Variants in ITPR2 observed in about 807,000 individuals in gnomAD.
ITPR2 encodes the protein inositol 1,4,5-trisphosphate-gated calcium channel ITPR2.
In ITPR2, 207 loss-of-function variants were observed where a neutral mutation model predicts 317.1. That is an observed-to-expected ratio of 0.65 (90% CI 0.58 to 0.73). The LOEUF (loss-of-function observed/expected upper bound fraction) is 0.73. Ranked by LOEUF, ITPR2 falls within the 30% of genes least tolerant of loss-of-function variation. The probability of loss-of-function intolerance (pLI) is 0.00; values close to 1 mark genes in which losing one functional copy is unlikely to be tolerated. For synonymous variants in ITPR2, 1,156 were observed against 1,149.1 expected, an observed-to-expected ratio of 1.01 and a Z score of -0.12; for missense variants, 2,613 against 3,284.0, an observed-to-expected ratio of 0.80 and a Z score of 4.99.
intron 37 of ITPR2, among the ~76,000 whole-genome samples, chr12:26,524,170 T>C (rs1246114089): frequency 7.1e-6 from 1 of 140,632 alleles, no homozygotes; most frequent in Non-Finnish European, 1.6e-5. Flanking sequence ...AAATACTCCA[T>C]TTTTCAAACG....
intron 10 of ITPR2, among the ~76,000 whole-genome samples, chr12:26,695,143 G>A (rs914966085): frequency 2.0e-5 from 3 of 152,096 alleles, no homozygotes; most frequent in Admixed American, 6.5e-5. Flanking sequence ...ATTACAGACC[G>A]TATCTAGATT....
chr12:26,637,105 A>G (rs1946880735), intron 21 of ITPR2, among the ~76,000 whole-genome samples: 1 of 152,216 alleles, frequency 6.6e-6, no homozygotes, highest in Admixed American at 6.5e-5. Flanking sequence ...TTTATTACAT[A>G]TCATGTGCCA....
intron 14 of ITPR2, 33 bp from the exon 15 acceptor site, chr12:26,663,879 T>C (rs1947560038): frequency 6.5e-7 from 1 of 1,543,984 alleles, no homozygotes; most frequent in Non-Finnish European, 8.7e-7. Flanking sequence ...CCTATTCTGA[T>C]GAATAAAATG....
At chr12:26,339,997 G>A (rs757732652) in intron 56 of ITPR2, among the ~76,000 whole-genome samples, 170 bp downstream of exon 56, 25 of 152,136 alleles carry the variant, frequency 1.6e-4, no homozygotes, top group South Asian at 2.1e-4. Context: ...GGGATAAGTA[G>A]AAGTCCCCGT....
At chr12:26,497,708 ATT>A (rs34121849) in intron 37 of ITPR2, among the ~76,000 whole-genome samples, 43,734 of 126,456 alleles carry the variant, frequency 0.35, 7,690 homozygotes, top group Non-Finnish European at 0.47. Flanking sequence ...AGTGCCAAGA[ATT>A]TTTTTTTTTT....
intron 26 of ITPR2, among the ~76,000 whole-genome samples, chr12:26,618,224 G>A (rs1591967384): frequency 6.6e-6 from 1 of 152,028 alleles, no homozygotes; most frequent in African/African-American, 2.4e-5. Context: ...ATTTTACCTT[G>A]TACTTGAAAA....
chr12:26,452,949 G>A (rs1349828063), intron 45 of ITPR2, among the ~76,000 whole-genome samples: 1 of 151,972 alleles, frequency 6.6e-6, no homozygotes, highest in Non-Finnish European at 1.5e-5. Flanking sequence ...TTAATCCCAG[G>A]AGGTTTGTAT....
At chr12:26,375,678 T>C (rs1199094391) in intron 55 of ITPR2, among the ~76,000 whole-genome samples, 1 of 152,238 alleles carries the variant, frequency 6.6e-6, no homozygotes, top group Non-Finnish European at 1.5e-5. Flanking sequence ...TCTCAGTCTA[T>C]ATAGTTTCCT....
chr12:26,804,606 C>T (rs1399862919), intron 1 of ITPR2, among the ~76,000 whole-genome samples: 10 of 152,050 alleles, frequency 6.6e-5, no homozygotes, highest in African/African-American at 1.5e-4. Flanking sequence ...TCATTTCCCT[C>T]GCTTATAGGC....
chr12:26,568,614 A>C (rs1459591645), intron 34 of ITPR2, among the ~76,000 whole-genome samples: 3 of 152,218 alleles, frequency 2.0e-5, no homozygotes, highest in Non-Finnish European at 2.9e-5. Flanking sequence ...CTCTGAGAAT[A>C]CAAACAATGC....
intron 45 of ITPR2, among the ~76,000 whole-genome samples, chr12:26,461,951 CTT>C (rs76756814): frequency 4.3e-3 from 558 of 130,570 alleles, no homozygotes; most frequent in South Asian, 7.9e-3. Context: ...CGAAGCCTGA[CTT>C]TTTTTTTTTT....
intron 13 of ITPR2, among the ~76,000 whole-genome samples, chr12:26,674,627 T>C (rs996485953): frequency 6.6e-6 from 1 of 152,184 alleles, no homozygotes. Flanking sequence ...ATTCAGGACA[T>C]AGGCATGGGC....
intron 34 of ITPR2, among the ~76,000 whole-genome samples, chr12:26,576,966 G>A (rs982940480): frequency 5.3e-5 from 8 of 152,170 alleles, no homozygotes; most frequent in East Asian, 1.9e-4. Flanking sequence ...AAAAATATGA[G>A]TTTAGCCCCC....
chr12:26,622,360 C>T lies in ITPR2; in HGVS notation c.3168G>A (p.Thr1056=), dbSNP rs866768556. Residue 1056 remains threonine (T), a synonymous_variant, in exon 25 of 57, where the codon ACG becomes ACA. Coordinates refer to ENST00000381340, the MANE Select transcript of ITPR2 (RefSeq NM_002223.4). ...TCAGATGAATGAGGACCCGTAAAAACGTCCTGCCTCCTTCATCGTCAAGTT... is the reference window on the plus strand; with the variant it reads ...TCAGATGAATGAGGACCCGTAAAAATGTCCTGCCTCCTTCATCGTCAAGTT... ...PVQLDDEGGR[T]FLRVLIHLIM... The T allele has an allele frequency of 5.0e-6, 8 of 1,611,178 alleles. No individual in the cohort carries two copies. Among genetic ancestry groups the T allele is most frequent in the Middle Eastern group, 1.7e-4 (1 of 6,044 alleles).
intron 48 of ITPR2, among the ~76,000 whole-genome samples, chr12:26,428,534 G>C (rs1565521277): frequency 6.6e-6 from 1 of 152,126 alleles, no homozygotes; most frequent in East Asian, 1.9e-4. Context: ...TTCCTCTGAA[G>C]AATCTAGTAG....
intron 24 of ITPR2, among the ~76,000 whole-genome samples, chr12:26,624,033 T>G (rs1946561798): frequency 6.6e-6 from 1 of 152,214 alleles, no homozygotes; most frequent in Non-Finnish European, 1.5e-5. Flanking sequence ...GCTGTCATTA[T>G]TTGAGGAAAG....
At chr12:26,579,849 G>A (rs1037300618) in intron 33 of ITPR2, among the ~76,000 whole-genome samples, 178 bp downstream of exon 33, 1 of 152,108 alleles carries the variant, frequency 6.6e-6, no homozygotes, top group Non-Finnish European at 1.5e-5. Context: ...ATTTAAAGAT[G>A]AGGTCTCTTT....
chr12:26,804,404 T>C (rs1950608221), intron 1 of ITPR2, among the ~76,000 whole-genome samples: 1 of 152,192 alleles, frequency 6.6e-6, no homozygotes, highest in Admixed American at 6.5e-5. Context: ...TACCTTCTTC[T>C]GGAGAATTTT....
intron 37 of ITPR2, among the ~76,000 whole-genome samples, chr12:26,510,631 T>A (rs1269877905): frequency 1.3e-5 from 2 of 152,228 alleles, no homozygotes; most frequent in Non-Finnish European, 2.9e-5. Flanking sequence ...GACCACTTAA[T>A]CTAGTCATTA....
Sources: allele counts gnomAD v4.1 joint callset (sites outside exome capture counted in the v4.1 genomes callset), GRCh38; gene constraint gnomAD v4.1.1; transcripts MANE v1.5; gene names NCBI Gene and HGNC (gene_info 2026-07-23, HGNC 2026-07-21).